The following SPTBN4 variants were observed in gnomAD, a reference collection of about 807,000 sequenced individuals.
The protein encoded by SPTBN4 is spectrin beta chain, non-erythrocytic 4.
Under a neutral mutation model 277.8 loss-of-function variants are expected in SPTBN4, and 96 were observed. That is an observed-to-expected ratio of 0.35 (90% CI 0.29 to 0.41). The LOEUF (loss-of-function observed/expected upper bound fraction) is 0.41, where lower values mean the gene tolerates loss of function less well. Ranked by LOEUF, SPTBN4 falls within the 10% of genes least tolerant of loss-of-function variation. The pLI, the probability that SPTBN4 is intolerant of heterozygous loss-of-function variation, is 1.00. For missense variants in SPTBN4, 3,006 were observed against 3,595.7 expected (o/e 0.84, Z 4.19); for synonymous variants, 1,481 against 1,580.3 (o/e 0.94, Z 1.49).
rs538816793 is a variant in SPTBN4 at position 40,533,871 on chromosome 19, T to C, written c.4096-209T>C. 3.9e-3 allele frequency among the ~76,000 whole-genome samples: 590 copies of C among 152,124 alleles called. 9 individuals carry two copies. The highest frequency in any genetic ancestry group is 0.014 in the African/African-American group (567 of 41,520). On this transcript the variant is annotated intron_variant, in intron 19 of 35. Coordinates refer to ENST00000598249, the MANE Select transcript of SPTBN4 (RefSeq NM_020971.3). ...CACTTCTGTCTGTCTGTCTCTCTCTTCTTGTCTCTCTTCCTTGGTTCCTTC... is the reference window on the plus strand; with the variant it reads ...CACTTCTGTCTGTCTGTCTCTCTCTCCTTGTCTCTCTTCCTTGGTTCCTTC...
rs2081195649 is a variant in SPTBN4 at position 40,575,672 on chromosome 19, C to G, written c.*103C>G. ...CAGGGGCGGGAGCCCCTAGTTCCAA[C>G]ACTGAGGACGCGTGACATGGTGGGC... On this transcript the variant is annotated 3_prime_UTR_variant, in exon 36 of 36. Coordinates refer to ENST00000598249, the MANE Select transcript of SPTBN4 (RefSeq NM_020971.3). The G allele has an allele frequency of 7.2e-7, 1 of 1,385,836 alleles. No homozygotes were observed. Among genetic ancestry groups the G allele is most frequent in the Non-Finnish European group, 9.6e-7 (1 of 1,045,860 alleles). 85.8% of individuals were successfully genotyped at this position (1,385,836 alleles called of 1,614,324 possible).
intron 1 of SPTBN4, among the ~76,000 whole-genome samples, chr19:40,468,591 G>T (rs986797754): frequency 6.6e-6 from 1 of 152,162 alleles, no homozygotes; most frequent in Non-Finnish European, 1.5e-5. Context: ...TGTTGGCCAG[G>T]CCGGTCTCGA....
Position 40,560,784 on chromosome 19 carries a change from C to A in SPTBN4, c.5915+381C>A. On this transcript the variant is annotated intron_variant, in intron 27 of 35. Transcript: ENST00000598249. The surrounding 1 kb of genome is among the most constrained non-coding windows in gnomAD (Gnocchi z 5.2). ...CAGTGGCTTCATTAGTGGGCATGGG[C>A]TTATTGCTCACATAGTGGTTGGATG... 8.3e-7 allele frequency: 1 copy of A among 1,206,044 alleles called. No homozygotes were observed. The highest frequency in any genetic ancestry group is 1.0e-6 in the Non-Finnish European group (1 of 955,654). The allele number at this position is 1,206,044 out of a possible 1,614,324, so 74.7% of individuals were successfully genotyped here.
At position 40,513,488 on chromosome 19, in the gene SPTBN4, A is replaced by G. The variant is rs1468703927; in HGVS notation, c.2699A>G (p.Lys900Arg). The G allele has an allele frequency of 6.2e-7, 1 of 1,601,038 alleles. No homozygotes were observed. The highest frequency in any genetic ancestry group is 8.5e-7 in the Non-Finnish European group (1 of 1,178,700). ...VHACELWIGE[K>R]EQWLLSMRVP... ...GCGTGTGAGCTGTGGATCGGCGAGA[A>G]GGAGCAATGGCTGCTCTCCATGCGT... Residue 900 changes from lysine to arginine, a missense_variant, in exon 14 of 36, where the codon AAG becomes AGG. Lys to Arg is a conservative substitution (Grantham distance 26, BLOSUM62 2). Around this residue, in one of 5 missense-constraint regions of SPTBN4, gnomAD observed 1,759 missense variants for 2,061.5 expected, o/e 0.85. Coordinates refer to ENST00000598249, the MANE Select transcript of SPTBN4 (RefSeq NM_020971.3).
intron 25 of SPTBN4, among the ~76,000 whole-genome samples, chr19:40,556,605 G>T (rs2080982070): frequency 6.6e-6 from 1 of 151,992 alleles, no homozygotes. Flanking sequence ...TGATGATGAT[G>T]ATTATCATTA....
chr19:40,556,339 T>G, intron 25 of SPTBN4, 51 bp downstream of exon 25: 5 of 1,507,842 alleles, frequency 3.3e-6, no homozygotes, highest in Non-Finnish European at 4.5e-6. Context: ...TAAGGTTCTC[T>G]GGGCCTTAGT....
Position 40,576,430 on chromosome 19 carries a change from A to G in SPTBN4, c.*861A>G, listed in dbSNP as rs901010124. The stretch of plus-strand genomic sequence containing the variant: ...GGGCGGTGTGGCGGGCGCACACTGT[A>G]TGTACCTATAATAAACCCTTTGGCT... On this transcript the variant is annotated 3_prime_UTR_variant, in exon 36 of 36. Transcript: ENST00000598249. 6.6e-6 allele frequency: 1 copy of G among 151,910 alleles called. No homozygotes were observed. Among genetic ancestry groups the G allele is most frequent in the African/African-American group, 2.4e-5 (1 of 40,860 alleles). The allele number at this position is 151,910 out of a possible 1,614,324, so 9.4% of individuals were successfully genotyped here.
intron 7 of SPTBN4, among the ~76,000 whole-genome samples, chr19:40,501,032 G>A (rs951767407): frequency 4.6e-5 from 7 of 152,118 alleles, no homozygotes; most frequent in African/African-American, 1.7e-4. Flanking sequence ...AGAATAACAT[G>A]AGGATTATCA....
At chr19:40,505,818 G>A (rs1454654466) in intron 12 of SPTBN4, among the ~76,000 whole-genome samples, 1 of 152,062 alleles carries the variant, frequency 6.6e-6, no homozygotes, top group Non-Finnish European at 1.5e-5. Context: ...AAGAGAAAAG[G>A]GTAGAAATGT....
intron 16 of SPTBN4, among the ~76,000 whole-genome samples, chr19:40,521,018 G>C (rs147388327): frequency 6.6e-6 from 1 of 151,932 alleles, no homozygotes; most frequent in Non-Finnish European, 1.5e-5. Context: ...TCAGCCTCCC[G>C]GGTTCAAACG....
chr19:40,474,719 G>A (rs773792265), intron 2 of SPTBN4, among the ~76,000 whole-genome samples: 1 of 151,964 alleles, frequency 6.6e-6, no homozygotes, highest in Non-Finnish European at 1.5e-5. Context: ...GACCAATATG[G>A]TGACACTACT....
Position 40,560,848 on chromosome 19 carries a change from G to T in SPTBN4, c.5915+445G>T. 2.9e-6 allele frequency: 2 copies of T among 679,426 alleles called. No homozygotes were observed. The highest frequency in any genetic ancestry group is 4.6e-5 in the South Asian group (1 of 21,692). The allele number at this position is 679,426 out of a possible 1,614,324, so 42.1% of individuals were successfully genotyped here. A position where few individuals can be genotyped will look rare whatever the true frequency, so the allele number is the denominator to read the frequency against. On this transcript the variant is annotated intron_variant, in intron 27 of 35. Transcript: ENST00000598249. This position sits in a 1 kb window ranked among gnomAD's most constrained non-coding sequence, Gnocchi z 5.2. ...GAATCCTGTCCCCTGGTGATTGGGA[G>T]CCAGGGTCCTTCCATCATGCCACCC...
chr19:40,574,144 CAAAA>C (rs1005302006), intron 35 of SPTBN4, among the ~76,000 whole-genome samples: 1 of 134,352 alleles, frequency 7.4e-6, no homozygotes, highest in Non-Finnish European at 1.7e-5. Flanking sequence ...CAAAACAAAA[CAAAA>C]AAAGATTCCT....
chr19:40,553,308 C>T (rs1157480219), intron 22 of SPTBN4, among the ~76,000 whole-genome samples: 5 of 152,040 alleles, frequency 3.3e-5, no homozygotes, highest in African/African-American at 4.8e-5. Flanking sequence ...AGCAAGACCT[C>T]GTCTCTCCAA....
intron 2 of SPTBN4, among the ~76,000 whole-genome samples, chr19:40,482,323 G>A (rs369392359): frequency 7.3e-5 from 11 of 150,246 alleles, no homozygotes; most frequent in African/African-American, 2.0e-4. Flanking sequence ...CTCCTGCCTC[G>A]GCCTCCCAAA....
At chr19:40,563,207 G>A (rs1041239061) in intron 27 of SPTBN4, among the ~76,000 whole-genome samples, 2 of 151,778 alleles carry the variant, frequency 1.3e-5, no homozygotes, top group Non-Finnish European at 2.9e-5. Flanking sequence ...GCGAGATTCT[G>A]TCTTAAAAAA....
Position 40,487,697 on chromosome 19 carries a change from A to G in SPTBN4, c.170A>G (p.Asp57Gly). The change falls in exon 3 of 36, where the codon GAT becomes GGT. Residue 57 changes from aspartate (D) to glycine (G), a missense_variant and splice_region_variant. Physicochemically the swap from Asp to Gly is moderately conservative, Grantham distance 94 (BLOSUM62 -1). Around this residue, in one of 5 missense-constraint regions of SPTBN4, gnomAD observed 114 missense variants for 196.1 expected, o/e 0.58. Transcript: ENST00000598249. ...GGGCTCATCAGGGCCTCTCCTCCAG[A>G]TGAGCGGGAAGCCGTGCAGAAGAAA... ...FECSRIKALA[D>G]EREAVQKKTF... The G allele has an allele frequency of 6.2e-7, 1 of 1,610,798 alleles. No homozygotes were observed. Among genetic ancestry groups the G allele is most frequent in the Non-Finnish European group, 8.5e-7 (1 of 1,178,346 alleles).
At chr19:40,479,702 A>ATATATATATATATATATATT (rs1303572950) in intron 2 of SPTBN4, among the ~76,000 whole-genome samples, 14 of 144,428 alleles carry the variant, frequency 9.7e-5, no homozygotes, top group African/African-American at 3.6e-4. Flanking sequence ...ATATATATAT[A>ATATATATATATATATATATT]TTTAACTTTT....
rs768911356 is a variant in SPTBN4 at position 40,506,252 on chromosome 19, G to A, written c.1682G>A (p.Arg561Gln). Residue 561 changes from arginine to glutamine, a missense_variant, in exon 13 of 36, where the codon CGG becomes CAG. Arg to Gln is a conservative substitution (Grantham distance 43). Around this residue, in one of 5 missense-constraint regions of SPTBN4, gnomAD observed 1,759 missense variants for 2,061.5 expected, o/e 0.85. Coordinates refer to ENST00000598249, the MANE Select transcript of SPTBN4 (RefSeq NM_020971.3). ...MEEMQAQLLS[R>Q]ECGQHLVEAD... ...CGCTTGTAGGCTCAGCTGCTGTCCC[G>A]GGAGTGTGGGCAGCACCTGGTGGAG... is the stretch of plus-strand genomic sequence containing the variant. 17 of 1,612,936 alleles carry A rather than the reference G, an allele frequency of 1.1e-5. No individual in the cohort carries two copies. In the East Asian group the frequency reaches 3.1e-4, roughly 30 times the overall value.
Sources: gnomAD v4.1 joint callset for allele counts (sites outside exome capture counted in the v4.1 genomes callset) on GRCh38, gnomAD v4.1.1 for gene constraint, gnomAD v4.1.1 regional missense constraint, Gnocchi (gnomAD v3.1) non-coding constraint, MANE v1.5 for transcripts, NCBI Gene and HGNC (gene_info 2026-07-23, HGNC 2026-07-21) for gene names.